Variants in MYO1B observed in about 807,000 individuals in gnomAD.
The protein encoded by MYO1B is myosin IB, also known as unconventional myosin-Ib.
A neutral mutation model predicts 159.7 loss-of-function variants in MYO1B; 72 were observed. The ratio of observed to expected loss-of-function variants is 0.45; its 90% CI spans 0.37 to 0.55. The LOEUF (loss-of-function observed/expected upper bound fraction) is 0.55. MYO1B is among the 20% of genes least tolerant of loss of function. The pLI, the probability that MYO1B is intolerant of heterozygous loss-of-function variation, is 0.00. For synonymous variants in MYO1B, 468 were observed against 473.8 expected (o/e 0.99, Z 0.16); for missense variants, 1,062 against 1,364.8 (o/e 0.78, Z 3.50).
At chr2:191,313,227 T>G (rs969468138) in intron 3 of MYO1B, among the ~76,000 whole-genome samples, 1 of 89,104 alleles carries the variant, frequency 1.1e-5, no homozygotes, top group African/African-American at 4.2e-5. Flanking sequence ...TTTTTTTTTT[T>G]GAGACGGAGT....
Position 191,326,770 on chromosome 2 carries a change from ATGTGTGTGTGTGTG to A in MYO1B, c.252-3132_252-3119del, listed in dbSNP as rs35184577. ...CTTCCAAAGCCTTGTGTTTGTATAT[ATGTGTGTGTGTGTG>A]TGTGTGTGTGTGTGTGTGTGTGTGT... On this transcript the variant is annotated intron_variant, in intron 3 of 30. Transcript: ENST00000392318. Among the ~76,000 whole-genome samples, 378 of 137,146 alleles carry A rather than the reference ATGTGTGTGTGTGTG, an allele frequency of 2.8e-3. 1 individual carries two copies. Among genetic ancestry groups the A allele is most frequent in the African/African-American group, 8.6e-3 (317 of 36,788 alleles). The allele number at this position is 137,146 out of a possible 152,430, so 90.0% of individuals were successfully genotyped here. A position where few individuals can be genotyped will look rare whatever the true frequency, so the allele number is the denominator to read the frequency against.
At chr2:191,352,542 G>C (rs1233299036) in intron 7 of MYO1B, among the ~76,000 whole-genome samples, 1 of 152,146 alleles carries the variant, frequency 6.6e-6, no homozygotes, top group Non-Finnish European at 1.5e-5. Flanking sequence ...CCTGATTCTT[G>C]CAGTATCCAT....
chr2:191,382,469 G>A (rs1695100201), intron 14 of MYO1B, among the ~76,000 whole-genome samples: 1 of 152,076 alleles, frequency 6.6e-6, no homozygotes. Context: ...GCACCTTTTA[G>A]TAACATAAAT....
At chr2:191,392,576 C>T (rs1451878036) in intron 19 of MYO1B, among the ~76,000 whole-genome samples, 1 of 152,066 alleles carries the variant, frequency 6.6e-6, no homozygotes, top group South Asian at 2.1e-4. Flanking sequence ...CAGGAAAGCA[C>T]TAAAATGAAA....
intron 1 of MYO1B, among the ~76,000 whole-genome samples, chr2:191,251,809 A>G (rs1461177591): frequency 3.3e-5 from 5 of 152,208 alleles, no homozygotes; most frequent in South Asian, 2.1e-4. Flanking sequence ...CACTGGTTAC[A>G]TGAAAGCATT....
chr2:191,253,065 A>AC (rs1240242577), intron 1 of MYO1B, among the ~76,000 whole-genome samples: 1 of 151,884 alleles, frequency 6.6e-6, no homozygotes, highest in Non-Finnish European at 1.5e-5. Flanking sequence ...AAGTTGGAAA[A>AC]AAAAACAAAA....
chr2:191,328,502 G>A (rs899198379), intron 3 of MYO1B, among the ~76,000 whole-genome samples: 2 of 152,228 alleles, frequency 1.3e-5, no homozygotes, highest in African/African-American at 4.8e-5. Flanking sequence ...ACCTCAGCAA[G>A]TTATGCCTTT....
chr2:191,322,100 C>T (rs1690756663), intron 3 of MYO1B, among the ~76,000 whole-genome samples: 1 of 152,132 alleles, frequency 6.6e-6, no homozygotes, highest in Non-Finnish European at 1.5e-5. Context: ...TAGAATTAGC[C>T]TTTTTGCTTT....
At chr2:191,250,366 A>G (rs964730216) in intron 1 of MYO1B, among the ~76,000 whole-genome samples, 1 of 152,198 alleles carries the variant, frequency 6.6e-6, no homozygotes, top group African/African-American at 2.4e-5. Flanking sequence ...AAAAAATGAT[A>G]TATAAACTAC....
intron 1 of MYO1B, among the ~76,000 whole-genome samples, chr2:191,252,623 C>T (rs541672042): frequency 3.3e-5 from 5 of 152,330 alleles, no homozygotes; most frequent in Admixed American, 6.5e-5. Flanking sequence ...AAGGTCACCA[C>T]TGTAACCCCT....
At chr2:191,392,222 C>T (rs773503838) in intron 19 of MYO1B, 21 bp downstream of exon 19, 4 of 1,538,764 alleles carry the variant, frequency 2.6e-6, no homozygotes, top group African/African-American at 2.7e-5. Context: ...AAAACCTTTA[C>T]ACTCTGAACT....
rs145799350 is a variant in MYO1B, at chr2:191,343,590, A to G, written c.451+2025A>G. 1.0e-3 allele frequency among the ~76,000 whole-genome samples: 152 copies of G among 152,298 alleles called. 1 individual carries two copies. Among genetic ancestry groups the G allele is most frequent in the Middle Eastern group, 3.4e-3 (1 of 294 alleles). On this transcript the variant is annotated intron_variant, in intron 5 of 30. Coordinates refer to ENST00000392318, the MANE Select transcript of MYO1B (RefSeq NM_001130158.3). ...TATCTCTCAATTTTATTGTTCCAAT[A>G]TTTGACTTTTTGTTTATTGTCTTTT...
At chr2:191,363,927 T>C (rs764443127) in intron 10 of MYO1B, 52 bp downstream of exon 10, 1 of 1,603,408 alleles carries the variant, frequency 6.2e-7, no homozygotes, top group Non-Finnish European at 8.5e-7. Flanking sequence ...GCTTTGAACT[T>C]CTCCCCACTT....
chr2:191,299,817 C>G (rs1398833920), intron 3 of MYO1B, among the ~76,000 whole-genome samples: 3 of 152,074 alleles, frequency 2.0e-5, no homozygotes, highest in Non-Finnish European at 4.4e-5. Flanking sequence ...TTAATTAACT[C>G]CTGGGATTTT....
chr2:191,277,499 A>G (rs1264846271), intron 2 of MYO1B, among the ~76,000 whole-genome samples: 1 of 152,218 alleles, frequency 6.6e-6, no homozygotes, highest in Non-Finnish European at 1.5e-5. Context: ...TGGTCCCTGA[A>G]GATTTGGCTA....
intron 22 of MYO1B, 133 bp downstream of exon 22, chr2:191,400,601 C>T (rs1321720802): frequency 7.4e-7 from 1 of 1,350,180 alleles, no homozygotes; most frequent in African/African-American, 1.4e-5. Flanking sequence ...TTGCTCTTTC[C>T]AACATTTTGT....
intron 3 of MYO1B, among the ~76,000 whole-genome samples, chr2:191,319,542 G>C (rs919675434): frequency 2.0e-5 from 3 of 152,138 alleles, no homozygotes; most frequent in Non-Finnish European, 2.9e-5. Context: ...TCTAGAGGAA[G>C]GGTTTCCACA....
At chr2:191,421,566 C>T (rs1442164939) in intron 30 of MYO1B, among the ~76,000 whole-genome samples, 1 of 152,072 alleles carries the variant, frequency 6.6e-6, no homozygotes, top group African/African-American at 2.4e-5. Context: ...TCCTCTGCCT[C>T]CTAGCTGCAA....
chr2:191,390,482 G>C lies in MYO1B; in HGVS notation c.1972G>C (p.Gly658Arg). The change falls in exon 18 of 31, where the codon GGA becomes CGA. Residue 658 changes from glycine to arginine, a missense_variant. Physicochemically the swap from Gly to Arg is moderately radical, Grantham distance 125. Around this residue, in one of 5 missense-constraint regions of MYO1B, gnomAD observed 609 missense variants for 744.4 expected, o/e 0.82. Transcript: ENST00000392318. ...TAAACAAACATGGCCTCATTGGAAA[G>C]GACCAGCCAGGTAAGAAATTCAGTG... is the stretch of plus-strand genomic sequence containing the variant. ...LCKQTWPHWK[G>R]PARSGVEVLF... 2 of 1,612,492 alleles carry C rather than the reference G, an allele frequency of 1.2e-6. No individual in the cohort carries two copies. The highest frequency in any genetic ancestry group is 2.2e-5 in the South Asian group (2 of 90,972).
Sources: gnomAD v4.1 joint callset for allele counts (sites outside exome capture counted in the v4.1 genomes callset) on GRCh38, gnomAD v4.1.1 for gene constraint, gnomAD v4.1.1 regional missense constraint, MANE v1.5 for transcripts, NCBI Gene and HGNC (gene_info 2026-07-23, HGNC 2026-07-21) for gene names.